NCOA1: variants seen among roughly 807,000 people sequenced by gnomAD.
NCOA1 encodes the protein Hin-2 protein.
NCOA1 carries 35 observed loss-of-function variants against 150.9 expected under a neutral mutation model. The observed-to-expected ratio is 0.23, with a 90% CI of 0.18 to 0.31. NCOA1 has a LOEUF of 0.31. Among genes scored for constraint, NCOA1 ranks in the 10% least tolerant of loss-of-function variants. The pLI, the probability that NCOA1 is intolerant of heterozygous loss-of-function variation, is 1.00. For missense variants in NCOA1, 1,491 were observed against 1,749.3 expected (o/e 0.85, Z 2.63); for synonymous variants, 590 against 630.0 (o/e 0.94, Z 0.95).
intron 2 of NCOA1, among the ~76,000 whole-genome samples, chr2:24,576,170 G>GTTTTTGTTTTTTTTTT (rs1666967476): frequency 5.6e-4 from 26 of 46,272 alleles, no homozygotes; most frequent in African/African-American, 1.7e-3. Context: ...TTTGTTTTTT[G>GTTTTTGTTTTTTTTTT]TTTTTTTTTT....
chr2:24,715,486 G>C (rs926738163), intron 14 of NCOA1, among the ~76,000 whole-genome samples: 1 of 152,090 alleles, frequency 6.6e-6, no homozygotes, highest in Admixed American at 6.5e-5. Flanking sequence ...TAAGTGTCCT[G>C]CATGTAGAAA....
rs1669626292 is a variant in NCOA1 at position 24,629,906 on chromosome 2, T to A, written c.-174-14060T>A. On this transcript the variant is annotated intron_variant, in intron 3 of 22. Transcript: ENST00000348332. ...TCGCCCACGCTGGAGTCCAGTGGCGTGATCTCGGCTCACTGCAAGCTCCGC... is the reference window on the plus strand; with the variant it reads ...TCGCCCACGCTGGAGTCCAGTGGCGAGATCTCGGCTCACTGCAAGCTCCGC... Among the ~76,000 whole-genome samples the A allele has an allele frequency of 4.1e-5, 6 of 147,972 alleles. No homozygotes were observed. In the Admixed American group the frequency reaches 4.1e-4, roughly 10 times the overall value.
chr2:24,517,107 G>A (rs565093979), intron 1 of NCOA1, among the ~76,000 whole-genome samples: 10 of 149,014 alleles, frequency 6.7e-5, no homozygotes, highest in South Asian at 2.1e-4. Context: ...AATCTCTTCC[G>A]TTAGGTCTAG....
intron 1 of NCOA1, among the ~76,000 whole-genome samples, chr2:24,550,561 A>G (rs1463168662): frequency 3.3e-5 from 5 of 152,180 alleles, no homozygotes; most frequent in Non-Finnish European, 4.4e-5. Flanking sequence ...ACCTGCCCCT[A>G]TGATTCAGTT....
At chr2:24,615,008 T>C (rs1412439093) in intron 3 of NCOA1, among the ~76,000 whole-genome samples, 1 of 152,186 alleles carries the variant, frequency 6.6e-6, no homozygotes, top group Non-Finnish European at 1.5e-5. Context: ...AATTGAATTA[T>C]TCAAGTTTAT....
At position 24,742,027 on chromosome 2, in the gene NCOA1, T is replaced by G; in HGVS notation, c.3547T>G (p.Ser1183Ala). 6.2e-7 allele frequency: 1 copy of G among 1,614,228 alleles called. No homozygotes were observed. Among genetic ancestry groups the G allele is most frequent in the Non-Finnish European group, 8.5e-7 (1 of 1,180,044 alleles). ...TACAAATCCAGGAACCCCACCTGCT[T>G]CTACCAGCCCGTTTTCACAACTAGC... is the stretch of plus-strand genomic sequence containing the variant. ...YGTNPGTPPA[S>A]TSPFSQLAAN... The change falls in exon 19 of 23, where the codon TCT becomes GCT. Residue 1183 changes from serine (S) to alanine (A), a missense_variant. Physicochemically the swap from Ser to Ala is moderately conservative, Grantham distance 99 (BLOSUM62 1). Around this residue, in one of 8 missense-constraint regions of NCOA1, gnomAD observed 485 missense variants for 522.8 expected, o/e 0.93. Coordinates refer to ENST00000348332, the MANE Select transcript of NCOA1 (RefSeq NM_003743.5).
chr2:24,630,134 C>T (rs895197849), intron 3 of NCOA1, among the ~76,000 whole-genome samples: 4 of 152,072 alleles, frequency 2.6e-5, no homozygotes, highest in South Asian at 2.1e-4. Context: ...CGCGAGCCAC[C>T]GCGCCCGGCC....
intron 1 of NCOA1, among the ~76,000 whole-genome samples, chr2:24,518,870 A>G (rs1664309795): frequency 6.6e-6 from 1 of 152,210 alleles, no homozygotes; most frequent in Non-Finnish European, 1.5e-5. Flanking sequence ...GCAGCAGAAG[A>G]CTAAATACTA....
intron 3 of NCOA1, among the ~76,000 whole-genome samples, chr2:24,624,114 G>A (rs1669296108): frequency 6.6e-6 from 1 of 152,026 alleles, no homozygotes; most frequent in South Asian, 2.1e-4. Flanking sequence ...CATAAACCGA[G>A]GCTATAGTAC....
At chr2:24,578,945 T>TG (rs1667094912) in intron 2 of NCOA1, among the ~76,000 whole-genome samples, 1 of 152,222 alleles carries the variant, frequency 6.6e-6, no homozygotes, top group Non-Finnish European at 1.5e-5. Flanking sequence ...TACATATAAG[T>TG]GTTAGCACTG....
At chr2:24,701,432 A>G (rs1364159213) in intron 11 of NCOA1, among the ~76,000 whole-genome samples, 2 of 151,594 alleles carry the variant, frequency 1.3e-5, no homozygotes, top group Non-Finnish European at 2.9e-5. Context: ...GCTTGAGCCC[A>G]GGAAGTGAAG....
intron 3 of NCOA1, among the ~76,000 whole-genome samples, chr2:24,637,573 C>T (rs1669996028): frequency 1.3e-5 from 2 of 152,034 alleles, no homozygotes; most frequent in South Asian, 4.1e-4. Context: ...TCATCATTCT[C>T]AGTAAACTAT....
intron 3 of NCOA1, among the ~76,000 whole-genome samples, chr2:24,596,003 A>C (rs942200018): frequency 1.3e-5 from 2 of 152,156 alleles, no homozygotes; most frequent in African/African-American, 4.8e-5. Flanking sequence ...GAGTGAGATC[A>C]TGAGATTTCA....
intron 1 of NCOA1, among the ~76,000 whole-genome samples, chr2:24,545,541 A>AC (rs1404080107): frequency 6.6e-6 from 1 of 151,990 alleles, no homozygotes. Context: ...GTGGAACTTA[A>AC]CCCCCCACCT....
intron 17 of NCOA1, among the ~76,000 whole-genome samples, chr2:24,738,466 T>A (rs555887141): frequency 6.6e-6 from 1 of 152,182 alleles, no homozygotes; most frequent in Non-Finnish European, 1.5e-5. Flanking sequence ...TGTTACCAGA[T>A]ACTGTTAAGG....
At position 24,532,009 on chromosome 2, in the gene NCOA1, C is replaced by T. The variant is rs192777025; in HGVS notation, c.-395-32286C>T. 3.9e-3 allele frequency among the ~76,000 whole-genome samples: 588 copies of T among 152,262 alleles called. 1 individual carries two copies. The highest frequency in any genetic ancestry group is 7.6e-3 in the Admixed American group (116 of 15,300). On this transcript the variant is annotated intron_variant, in intron 1 of 22. Coordinates refer to ENST00000348332, the MANE Select transcript of NCOA1 (RefSeq NM_003743.5). ...GCTGGGTCAAATGGTATTTCTAGTT[C>T]TAGATCCTTGAGGAATTGCTACACT...
At chr2:24,577,333 TTAATA>T (rs1240492435) in intron 2 of NCOA1, among the ~76,000 whole-genome samples, 2 of 152,212 alleles carry the variant, frequency 1.3e-5, no homozygotes, top group Non-Finnish European at 2.9e-5. Flanking sequence ...TGCCACAGAT[TTAATA>T]TATTTTCATG....
intron 1 of NCOA1, among the ~76,000 whole-genome samples, chr2:24,494,712 G>A (rs996537964): frequency 2.0e-5 from 3 of 152,176 alleles, no homozygotes; most frequent in East Asian, 1.9e-4. Flanking sequence ...GTGTGGGCTC[G>A]GGTGAAATCC....
intron 2 of NCOA1, among the ~76,000 whole-genome samples, chr2:24,582,385 A>G (rs1667227052): frequency 6.6e-6 from 1 of 152,176 alleles, no homozygotes; most frequent in Admixed American, 6.5e-5. Context: ...CCTAGGAATA[A>G]ATTTAACCAA....
Sources: allele counts gnomAD v4.1 joint callset (sites outside exome capture counted in the v4.1 genomes callset), GRCh38; gene constraint gnomAD v4.1.1; regional missense constraint gnomAD v4.1.1; transcripts MANE v1.5; gene names NCBI Gene and HGNC (gene_info 2026-07-23, HGNC 2026-07-21).